P2RX5: variants seen among roughly 807,000 people sequenced by gnomAD.
The protein encoded by P2RX5 is purinergic receptor P2X 5, also known as P2X purinoceptor 5.
Under a neutral mutation model 54.1 loss-of-function variants are expected in P2RX5, and 46 were observed. The observed-to-expected ratio is 0.85, with a 90% CI of 0.67 to 1.09. The LOEUF is 1.09. Among genes scored for constraint, P2RX5 ranks in the 50% least tolerant of loss-of-function variants. P2RX5 has a pLI of 0.00. For missense variants in P2RX5, 566 were observed against 549.8 expected (o/e 1.03, Z -0.29); for synonymous variants, 226 against 226.4 (o/e 1.00, Z 0.02).
intron 6 of P2RX5, 66 bp downstream of exon 6, chr17:3,690,004 A>G: frequency 3.6e-6 from 5 of 1,395,954 alleles, no homozygotes; most frequent in African/African-American, 1.4e-5. Flanking sequence ...AGACCCACGG[A>G]GGGCCAGCCA....
the P2RX5 span, among the ~76,000 whole-genome samples, chr17:3,708,869 A>AC: frequency 2.5e-3 from 279 of 110,574 alleles, 1 homozygote; most frequent in African/African-American, 0.011. Flanking sequence ...TATTTATGCA[A>AC]CCCCCCTCAA....
upstream of P2RX5, among the ~76,000 whole-genome samples, chr17:3,698,383 T>C (rs973447405): frequency 6.6e-6 from 1 of 152,112 alleles, no homozygotes; most frequent in Non-Finnish European, 1.5e-5. Flanking sequence ...TGGTGCCACA[T>C]TGAGTCTCTC....
At chr17:3,677,854 GCTC>G in intron 11 of P2RX5, 1 of 985,344 alleles carries the variant, frequency 1.0e-6, no homozygotes, top group African/African-American at 1.7e-5. Flanking sequence ...CTGGACACCT[GCTC>G]CAGGGACTCC....
At chr17:3,718,262 T>C in the P2RX5 span, 1 of 152,252 alleles carries the variant, frequency 6.6e-6, no homozygotes, top group African/African-American at 2.4e-5. Context: ...CTGGGAGCTT[T>C]TGGAAACTGT....
Position 3,673,604 on chromosome 17 carries a change from G to A in P2RX5, c.*264C>T. ...CCCCATTTACAACCCGTTCCCTAGT[G>A]CGGGAAGCCAGCCACGGAGAAAGGA... On this transcript the variant is annotated 3_prime_UTR_variant, in exon 12 of 12. Coordinates refer to ENST00000225328, the MANE Select transcript of P2RX5 (RefSeq NM_002561.4). 7.1e-7 allele frequency: 1 copy of A among 1,414,874 alleles called. No homozygotes were observed. The highest frequency in any genetic ancestry group is 1.5e-5 in the South Asian group (1 of 66,330). 87.6% of individuals were successfully genotyped at this position (1,414,874 alleles called of 1,614,324 possible).
chr17:3,683,325 C>T (rs2050338595), intron 9 of P2RX5, among the ~76,000 whole-genome samples: 1 of 152,232 alleles, frequency 6.6e-6, no homozygotes, highest in Admixed American at 6.5e-5. Context: ...CAATTCGCTG[C>T]TCCCCAGAGA....
At chr17:3,711,402 A>T in the P2RX5 span, among the ~76,000 whole-genome samples, 35 of 25,918 alleles carry the variant, frequency 1.4e-3, no homozygotes, top group African/African-American at 8.5e-3. Flanking sequence ...TTTTTTTTTG[A>T]GACGGAGTCT....
At chr17:3,707,760 G>C in the P2RX5 span, among the ~76,000 whole-genome samples, 1 of 151,948 alleles carries the variant, frequency 6.6e-6, no homozygotes, top group Non-Finnish European at 1.5e-5. Flanking sequence ...CCTAGGAGAT[G>C]GTTAACCAGG....
chr17:3,688,012 C>G lies in P2RX5; in HGVS notation c.981G>C (p.Lys327Asn). 1 of 1,552,246 alleles carries G rather than the reference C, an allele frequency of 6.4e-7. No homozygotes were observed. The highest frequency in any genetic ancestry group is 1.2e-5 in the South Asian group (1 of 86,366). Residue 327 changes from lysine to asparagine, a missense_variant and splice_region_variant, in exon 9 of 12, where the codon AAG (lysine) becomes AAC (asparagine). Coordinates refer to ENST00000225328, the MANE Select transcript of P2RX5 (RefSeq NM_002561.4). ...GIRFDVMVNGKGAFFCDLVLI... is the reference protein window; with the variant it reads ...GIRFDVMVNGNGAFFCDLVLI... The stretch of plus-strand genomic sequence containing the variant: ...TCAGAACAGGAGAAGGCACACGCAC[C>G]TTGCCGTTCACCATCACGTCAAAGC...
the P2RX5 span, among the ~76,000 whole-genome samples, chr17:3,713,259 G>A: frequency 6.6e-6 from 1 of 152,130 alleles, no homozygotes; most frequent in Non-Finnish European, 1.5e-5. Flanking sequence ...TACGCAGGAG[G>A]CTGAGGCAGA....
In P2RX5 at chr17:3,682,111, C is replaced by G. The variant is rs2050300940; in HGVS notation, c.982-133G>C. ...TGTCCCCATTTAACAGATGAGGAAA[C>G]TGGGCTCAGCAAGGGGCACCCTTGT... On this transcript the variant is annotated intron_variant, in intron 9 of 11. Transcript: ENST00000225328. 7.1e-6 allele frequency: 5 copies of G among 708,206 alleles called. No individual in the cohort carries two copies. The Admixed American group carries it at 1.0e-4, about 14-fold the overall frequency. The allele number at this position is 708,206 out of a possible 1,614,324, so 43.9% of individuals were successfully genotyped here.
intron 11 of P2RX5, among the ~76,000 whole-genome samples, chr17:3,679,003 G>A (rs1211017463): frequency 1.3e-5 from 2 of 152,186 alleles, no homozygotes; most frequent in Non-Finnish European, 2.9e-5. Flanking sequence ...CTGGCAGCAC[G>A]GCCAGCACCC....
At position 3,673,285 on chromosome 17, in the gene P2RX5, T is replaced by C. The variant is rs540565810; in HGVS notation, c.*583A>G. The stretch of plus-strand genomic sequence containing the variant: ...AAATAAGAGTGTCAGAGAATACATA[T>C]CTTGGGCAGGTCCCAGAAAGCGTCT... On this transcript the variant is annotated 3_prime_UTR_variant, in exon 12 of 12. Coordinates refer to ENST00000225328, the MANE Select transcript of P2RX5 (RefSeq NM_002561.4). The C allele has an allele frequency of 5.5e-5, 55 of 992,678 alleles. 4 individuals are homozygous for C. In the East Asian group the frequency reaches 2.9e-3, roughly 52 times the overall value. The allele number at this position is 992,678 out of a possible 1,614,324, so 61.5% of individuals were successfully genotyped here.
the P2RX5 span, chr17:3,716,893 G>C: frequency 1.4e-6 from 1 of 704,206 alleles, no homozygotes; most frequent in African/African-American, 1.8e-5. Flanking sequence ...CGAGGACTTG[G>C]CAACAACCCG....
At chr17:3,711,370 C>CTTTTTTTTTTTTTTTGTTTTTTTT in the P2RX5 span, among the ~76,000 whole-genome samples, 1 of 63,110 alleles carries the variant, frequency 1.6e-5, no homozygotes, top group Non-Finnish European at 2.6e-5. Flanking sequence ...AGCACTCATT[C>CTTTTTTTTTTTTTTTGTTTTTTTT]TTTTTTTTTT....
intron 10 of P2RX5, 149 bp from the exon 11 acceptor site, chr17:3,679,933 C>G (rs890455632): frequency 4.2e-6 from 3 of 716,448 alleles, no homozygotes; most frequent in East Asian, 2.7e-5. Flanking sequence ...TTCCTCCATG[C>G]GGCTCCCTCC....
chr17:3,685,712 T>TCCCCCGC (rs1192393398), intron 9 of P2RX5: 9 of 21,046 alleles, frequency 4.3e-4, no homozygotes, highest in African/African-American at 5.2e-4. Context: ...CCTCCCAACG[T>TCCCCCGC]CCCCCTCCCA....
At chr17:3,717,139 G>A in the P2RX5 span, 4 of 230,878 alleles carry the variant, frequency 1.7e-5, no homozygotes, top group South Asian at 1.2e-4. Context: ...AGGCTGTCAC[G>A]CCGCTACACT....
At chr17:3,705,059 A>C in the P2RX5 span, among the ~76,000 whole-genome samples, 1 of 152,202 alleles carries the variant, frequency 6.6e-6, no homozygotes, top group Admixed American at 6.5e-5. Flanking sequence ...TCCACAAAGC[A>C]GTGACAAGTC....
Sources: allele counts gnomAD v4.1 joint callset (sites outside exome capture counted in the v4.1 genomes callset), GRCh38; gene constraint gnomAD v4.1.1; transcripts MANE v1.5; gene names NCBI Gene and HGNC (gene_info 2026-07-23, HGNC 2026-07-21).